The following MOV10L1 variants were observed in gnomAD, a reference collection of about 807,000 sequenced individuals.
MOV10L1 encodes the protein RNA helicase Mov10l1.
A neutral mutation model predicts 143.8 loss-of-function variants in MOV10L1; 110 were observed. That is an observed-to-expected ratio of 0.76 (90% CI 0.66 to 0.90). The LOEUF is 0.90. MOV10L1 is among the 40% of genes least tolerant of loss of function. MOV10L1 has a pLI of 0.00. For missense variants in MOV10L1, 1,406 were observed against 1,526.8 expected, an observed-to-expected ratio of 0.92 and a Z score of 1.32; for synonymous variants, 593 against 581.1, an observed-to-expected ratio of 1.02 and a Z score of -0.29.
intron 5 of MOV10L1, among the ~76,000 whole-genome samples, chr22:50,109,483 C>T (rs1277601017): frequency 7.1e-6 from 1 of 141,418 alleles, no homozygotes; most frequent in African/African-American, 2.5e-5. Context: ...TCCTGGCTAA[C>T]ACGGTGAAAC....
rs780373782 is a variant in MOV10L1, at chr22:50,115,110, C to G, written c.1127-4C>G. ...AACTTTTGTATTAAAATTTTATTTC[C>G]CAGGTGATTGTACCTGTAAAGGAGA... On this transcript the variant is annotated splice_polypyrimidine_tract_variant and splice_region_variant and intron_variant, in intron 7 of 26. Coordinates refer to ENST00000262794, the MANE Select transcript of MOV10L1 (RefSeq NM_018995.3). 13 of 1,562,456 alleles carry G rather than the reference C, an allele frequency of 8.3e-6. No homozygotes were observed. The South Asian group carries it at 1.4e-4, about 16-fold the overall frequency.
intron 13 of MOV10L1, among the ~76,000 whole-genome samples, chr22:50,131,586 A>G (rs1237086475): frequency 6.6e-6 from 1 of 152,074 alleles, no homozygotes; most frequent in Non-Finnish European, 1.5e-5. Flanking sequence ...TAGGATTATG[A>G]TCTATCTCAT....
rs757175698 is a variant in MOV10L1 at position 50,158,210 on chromosome 22, C to T, written c.3216+4C>T. The stretch of plus-strand genomic sequence containing the variant: ...CATCACGCCCTACCGGAAGCAGGTA[C>T]GCCCTGCCCAGGCACGCCTGGTTCT... On this transcript the variant is annotated splice_donor_region_variant and intron_variant, in intron 23 of 26. Coordinates refer to ENST00000262794, the MANE Select transcript of MOV10L1 (RefSeq NM_018995.3). This position sits in a 1 kb window ranked among gnomAD's most constrained non-coding sequence, Gnocchi z 5.0. 14 of 1,613,938 alleles carry T rather than the reference C, an allele frequency of 8.7e-6. No homozygotes were observed. Among genetic ancestry groups the T allele is most frequent in the Admixed American group, 1.7e-5 (1 of 60,006 alleles).
At chr22:50,106,813 T>G (rs1015367169) in intron 3 of MOV10L1, among the ~76,000 whole-genome samples, 1 of 150,022 alleles carries the variant, frequency 6.7e-6, no homozygotes, top group African/African-American at 2.4e-5. Context: ...GCCATTCTCC[T>G]GCCTCAGCCT....
intron 13 of MOV10L1, among the ~76,000 whole-genome samples, chr22:50,132,589 A>T (rs1179273129): frequency 6.6e-6 from 1 of 152,218 alleles, no homozygotes; most frequent in Non-Finnish European, 1.5e-5. Flanking sequence ...AATTTAACTT[A>T]AATTTCTAAT....
At chr22:50,154,766 A>G (rs1396889871) in intron 22 of MOV10L1, among the ~76,000 whole-genome samples, 2 of 152,188 alleles carry the variant, frequency 1.3e-5, no homozygotes, top group Non-Finnish European at 1.5e-5. Flanking sequence ...GCTGTGTTTC[A>G]TGCATATAAT....
intron 9 of MOV10L1, among the ~76,000 whole-genome samples, chr22:50,118,112 C>A (rs1010794414): frequency 6.6e-6 from 1 of 151,994 alleles, no homozygotes; most frequent in African/African-American, 2.4e-5. Flanking sequence ...ACGTGTTGCC[C>A]CAGTTACAGT....
chr22:50,138,590 A>G (rs2062897278), intron 15 of MOV10L1, among the ~76,000 whole-genome samples: 2 of 152,044 alleles, frequency 1.3e-5, no homozygotes, highest in Admixed American at 1.3e-4. Flanking sequence ...AAAAAATCTG[A>G]TGGAATCTAA....
chr22:50,102,619 A>C (rs2061772926), intron 3 of MOV10L1, among the ~76,000 whole-genome samples: 1 of 152,204 alleles, frequency 6.6e-6, no homozygotes, highest in African/African-American at 2.4e-5. Context: ...AATTAGCATC[A>C]GGCCTGGCAC....
chr22:50,115,360 T>A, intron 8 of MOV10L1, 114 bp downstream of exon 8: 1 of 1,236,320 alleles, frequency 8.1e-7, no homozygotes, highest in Non-Finnish European at 1.1e-6. Flanking sequence ...AGACCAGGAG[T>A]TCGAAACCAG....
intron 10 of MOV10L1, among the ~76,000 whole-genome samples, chr22:50,122,951 G>C (rs2062392162): frequency 6.6e-6 from 1 of 151,950 alleles, no homozygotes; most frequent in Non-Finnish European, 1.5e-5. Context: ...GCCTCCCAAA[G>C]TGTTGGAATT....
Position 50,126,232 on chromosome 22 carries a change from A to G in MOV10L1, c.1778A>G (p.Tyr593Cys), listed in dbSNP as rs140324553. 1.2e-5 allele frequency: 19 copies of G among 1,612,362 alleles called. No homozygotes were observed. The Middle Eastern group carries it at 5.0e-4, about 42-fold the overall frequency. The change falls in exon 12 of 27, where the codon TAC (tyrosine) becomes TGC (cysteine). Residue 593 changes from tyrosine to cysteine, a missense_variant. By Grantham distance (194) the Tyr-to-Cys change is radical. Transcript: ENST00000262794. ...AAACTGATTTTAAAAACTCAAGAGT[A>G]CAATGGACATGCCATCGAATACATC... Reference protein sequence around the residue: ...GDKLILKTQEYNGHAIEYISY... With the variant: ...GDKLILKTQECNGHAIEYISY...
At chr22:50,160,659 C>A in intron 24 of MOV10L1, 29 bp from the exon 25 acceptor site, 4 of 1,592,292 alleles carry the variant, frequency 2.5e-6, no homozygotes, top group Non-Finnish European at 3.4e-6. Flanking sequence ...CTTCAAGTGC[C>A]ATTTTTATTC....
chr22:50,134,443 C>A, intron 14 of MOV10L1, 87 bp from the exon 15 acceptor site: 3 of 1,051,528 alleles, frequency 2.9e-6, no homozygotes, highest in Non-Finnish European at 4.3e-6. Context: ...ATATTAATTG[C>A]TTTAGGGTCA....
chr22:50,144,073 G>A (rs750348383), intron 17 of MOV10L1, 24 bp from the exon 18 acceptor site: 5 of 1,594,572 alleles, frequency 3.1e-6, no homozygotes, highest in Non-Finnish European at 3.4e-6. Flanking sequence ...TTGAGCCTTG[G>A]TCTCTTGTGT....
In MOV10L1 at chr22:50,115,131, G is replaced by C; in HGVS notation, c.1144G>C (p.Gly382Arg). 1.3e-6 allele frequency: 2 copies of C among 1,570,178 alleles called. No homozygotes were observed. Among genetic ancestry groups the C allele is most frequent in the Non-Finnish European group, 1.7e-6 (2 of 1,166,538 alleles). The change falls in exon 8 of 27, where the codon GGA becomes CGA. Residue 382 changes from glycine (G) to arginine (R), a missense_variant. Transcript: ENST00000262794. The part of the protein sequence containing the change: ...GISPGDCTCK[G>R]ENGEKDNILS... Reference sequence around the variant, plus strand: ...TTTCCCAGGTGATTGTACCTGTAAAGGAGAAAATGGAGAAAAAGACAACAT... The same window carrying C: ...TTTCCCAGGTGATTGTACCTGTAAACGAGAAAATGGAGAAAAAGACAACAT...
chr22:50,150,793 T>C lies in MOV10L1; in HGVS notation c.2786T>C (p.Met929Thr), dbSNP rs772183181. 18 of 1,614,098 alleles carry C rather than the reference T, an allele frequency of 1.1e-5. No individual in the cohort carries two copies. The Admixed American group carries it at 1.2e-4, about 10-fold the overall frequency. ...CCAGTCATTAAGTCCAGACTCGCCA[T>C]GGCCTATGGGCTGAACGTGTCCTTT... is the stretch of plus-strand genomic sequence containing the variant. The part of the protein sequence containing the change: ...LGPVIKSRLA[M>T]AYGLNVSFLE... The change falls in exon 21 of 27, where the codon ATG becomes ACG. Residue 929 changes from methionine (M) to threonine (T), a missense_variant. By Grantham distance (81) the Met-to-Thr change is moderately conservative. This residue lies in a region of MOV10L1 where 1,233 missense variants were observed against 1,351.4 expected (regional missense o/e 0.91). Coordinates refer to ENST00000262794, the MANE Select transcript of MOV10L1 (RefSeq NM_018995.3).
At chr22:50,112,720 C>T (rs758165788) in intron 5 of MOV10L1, among the ~76,000 whole-genome samples, 24 of 152,208 alleles carry the variant, frequency 1.6e-4, no homozygotes, top group Non-Finnish European at 3.2e-4. Context: ...ATGTGCCAAG[C>T]GAGCTCCTGC....
At chr22:50,112,051 C>G (rs1339774380) in intron 5 of MOV10L1, among the ~76,000 whole-genome samples, 1 of 152,196 alleles carries the variant, frequency 6.6e-6, no homozygotes, top group Non-Finnish European at 1.5e-5. Flanking sequence ...GGAGGGTGGA[C>G]TTGGGGCTGT....
Sources: gnomAD v4.1 joint callset for allele counts (sites outside exome capture counted in the v4.1 genomes callset) on GRCh38, gnomAD v4.1.1 for gene constraint, gnomAD v4.1.1 regional missense constraint, Gnocchi (gnomAD v3.1) non-coding constraint, MANE v1.5 for transcripts, NCBI Gene and HGNC (gene_info 2026-07-23, HGNC 2026-07-21) for gene names.